The following FANCC variants were observed in gnomAD, a reference collection of about 807,000 sequenced individuals.
The protein encoded by FANCC is Fanconi anemia group C protein.
A neutral mutation model predicts 71.3 loss-of-function variants in FANCC; 55 were observed. The observed-to-expected ratio is 0.77, with a 90% CI of 0.62 to 0.97. FANCC has a LOEUF of 0.97. FANCC is among the 50% of genes least tolerant of loss of function. The probability of loss-of-function intolerance (pLI) is 0.00; values close to 1 mark genes in which losing one functional copy is unlikely to be tolerated. For missense variants in FANCC, 678 were observed against 670.9 expected, an observed-to-expected ratio of 1.01 and a Z score of -0.12; for synonymous variants, 275 against 244.9, an observed-to-expected ratio of 1.12 and a Z score of -1.15.
chr9:95,272,430 G>A (rs1832794705), intron 1 of FANCC, among the ~76,000 whole-genome samples: 1 of 152,118 alleles, frequency 6.6e-6, no homozygotes. Context: ...CCACTAAAAT[G>A]AACATAAGTT....
intron 4 of FANCC, among the ~76,000 whole-genome samples, chr9:95,193,358 CAGA>C (rs1483331797): frequency 6.6e-6 from 1 of 152,042 alleles, no homozygotes; most frequent in South Asian, 2.1e-4. Flanking sequence ...CCATGGCGAG[CAGA>C]AGAAGGAGTG....
At chr9:95,310,817 T>C (rs1034498119) in intron 1 of FANCC, among the ~76,000 whole-genome samples, 2 of 151,892 alleles carry the variant, frequency 1.3e-5, no homozygotes, top group Admixed American at 1.3e-4. Flanking sequence ...AGTTATATAA[T>C]AAAAAAGAAT....
In FANCC at chr9:95,224,806, G is replaced by A. The variant is rs112471700; in HGVS notation, c.345+15843C>T. ...AATCTGGATGGTCTGATTCCCAAAG[G>A]AGTGACGCATCTGAGGTTATTTTGT... On this transcript the variant is annotated intron_variant, in intron 4 of 14. Transcript: ENST00000289081. 3.0e-3 allele frequency among the ~76,000 whole-genome samples: 461 copies of A among 152,246 alleles called. 3 individuals are homozygous for A. The highest frequency in any genetic ancestry group is 0.011 in the African/African-American group (441 of 41,542).
At chr9:95,106,784 G>C (rs1032992135) in intron 14 of FANCC, among the ~76,000 whole-genome samples, 1 of 152,218 alleles carries the variant, frequency 6.6e-6, no homozygotes, top group African/African-American at 2.4e-5. Context: ...TACGTAGGGG[G>C]ACAGGAGACC....
At chr9:95,301,414 GTTTT>G (rs1346303539) in intron 1 of FANCC, among the ~76,000 whole-genome samples, 1 of 151,914 alleles carries the variant, frequency 6.6e-6, no homozygotes, top group Non-Finnish European at 1.5e-5. Flanking sequence ...ATTTGTTGGG[GTTTT>G]TTGTTTTTTT....
chr9:95,111,785 G>C (rs2071959048), intron 12 of FANCC, 148 bp from the exon 13 acceptor site: 1 of 956,666 alleles, frequency 1.0e-6, no homozygotes, highest in Non-Finnish European at 1.6e-6. Flanking sequence ...TTTAGATTCA[G>C]AAAGCCTGTC....
intron 10 of FANCC, among the ~76,000 whole-genome samples, chr9:95,118,630 G>T (rs961134624): frequency 7.9e-5 from 12 of 152,118 alleles, no homozygotes; most frequent in African/African-American, 2.7e-4. Flanking sequence ...GATTAGTTTT[G>T]CTTATTCTTG....
At chr9:95,247,612 G>T in intron 2 of FANCC, 96 bp from the exon 3 acceptor site, 1 of 795,450 alleles carries the variant, frequency 1.3e-6, no homozygotes, top group Non-Finnish European at 2.2e-6. Flanking sequence ...AATGCTTCTT[G>T]TTTAGTATAC....
chr9:95,181,158 ATTGTGTGTGTGT>A (rs1362532170), intron 4 of FANCC, among the ~76,000 whole-genome samples: 2 of 45,734 alleles, frequency 4.4e-5, no homozygotes, highest in African/African-American at 8.0e-5. Flanking sequence ...ACACGTACAC[ATTGTGTGTGTGT>A]GTGTGTGTGT....
chr9:95,123,649 C>T (rs763887157), intron 10 of FANCC: 1 of 624,700 alleles, frequency 1.6e-6, no homozygotes, highest in Non-Finnish European at 3.1e-6. Context: ...TCATTGGAAA[C>T]ACAGTGGAGG....
chr9:95,260,001 C>T (rs1447985534), intron 1 of FANCC, among the ~76,000 whole-genome samples: 9 of 152,196 alleles, frequency 5.9e-5, no homozygotes, highest in African/African-American at 1.9e-4. Context: ...CACCATCTCA[C>T]GCCAGTTAGA....
At position 95,101,692 on chromosome 9, in the gene FANCC, C is replaced by T. The variant is rs775336408; in HGVS notation, c.*15G>A. 13 of 1,613,350 alleles carry T rather than the reference C, an allele frequency of 8.1e-6. No homozygotes were observed. In the South Asian group the frequency reaches 8.8e-5, roughly 11 times the overall value. On this transcript the variant is annotated 3_prime_UTR_variant, in exon 15 of 15. Coordinates refer to ENST00000289081, the MANE Select transcript of FANCC (RefSeq NM_000136.3). ...TGATCCCTCACGCCGGGCACCCACA[C>T]GGCCTGCGTGCCTTCTAGACTTGAG...
At chr9:95,269,770 T>C (rs1486150597) in intron 1 of FANCC, among the ~76,000 whole-genome samples, 2 of 152,158 alleles carry the variant, frequency 1.3e-5, no homozygotes, top group Admixed American at 6.5e-5. Flanking sequence ...GGAACCATTA[T>C]TGTAGGGGTG....
intron 7 of FANCC, 95 bp from the exon 8 acceptor site, chr9:95,135,597 G>GT: frequency 2.0e-6 from 2 of 1,018,342 alleles, no homozygotes; most frequent in South Asian, 2.8e-5. Context: ...AATCCAATTT[G>GT]TGAGACTTCT....
At chr9:95,218,858 T>C (rs996690553) in intron 4 of FANCC, among the ~76,000 whole-genome samples, 6 of 152,288 alleles carry the variant, frequency 3.9e-5, no homozygotes, top group Admixed American at 2.0e-4. Context: ...TAAAATGGTT[T>C]TGTGGAAGCT....
chr9:95,299,828 T>A (rs1001206414), intron 1 of FANCC, among the ~76,000 whole-genome samples: 1 of 152,148 alleles, frequency 6.6e-6, no homozygotes, highest in Non-Finnish European at 1.5e-5. Flanking sequence ...ATCACTGCAC[T>A]CCAGGCAGGG....
intron 4 of FANCC, among the ~76,000 whole-genome samples, chr9:95,190,166 G>A (rs555197585): frequency 7.2e-5 from 11 of 151,902 alleles, no homozygotes; most frequent in Non-Finnish European, 1.5e-4. Flanking sequence ...ACCTGCACAC[G>A]CACACCCCCC....
At chr9:95,142,783 G>A (rs1828965468) in intron 7 of FANCC, among the ~76,000 whole-genome samples, 1 of 152,142 alleles carries the variant, frequency 6.6e-6, no homozygotes, top group African/African-American at 2.4e-5. Context: ...GTGTTAGAGT[G>A]GTCAGAGACT....
intron 6 of FANCC, among the ~76,000 whole-genome samples, chr9:95,163,616 A>G (rs1263754445): frequency 6.6e-6 from 1 of 152,292 alleles, no homozygotes; most frequent in South Asian, 2.1e-4. Context: ...TTGGGAGGCC[A>G]AGGCAAGTGG....
Sources: allele counts gnomAD v4.1 joint callset (sites outside exome capture counted in the v4.1 genomes callset), GRCh38; gene constraint gnomAD v4.1.1; transcripts MANE v1.5; gene names NCBI Gene and HGNC (gene_info 2026-07-23, HGNC 2026-07-21).